The following ZNF664 variants were observed in gnomAD, a reference collection of about 807,000 sequenced individuals.
ZNF664 encodes the protein zinc finger Organ of Corti 1.
A neutral mutation model predicts 18.2 loss-of-function variants in ZNF664; 10 were observed. The ratio of observed to expected loss-of-function variants is 0.55; its 90% CI spans 0.34 to 0.93. The LOEUF is 0.93. Among genes scored for constraint, ZNF664 ranks in the 40% least tolerant of loss-of-function variants. The pLI is 0.02. For synonymous variants in ZNF664, 119 were observed against 104.2 expected (o/e 1.14, Z -0.86); for missense variants, 193 against 319.0 (o/e 0.61, Z 3.01).
In ZNF664 at chr12:124,013,086, C is replaced by A; in HGVS notation, c.*156C>A. On this transcript the variant is annotated 3_prime_UTR_variant, in exon 5 of 5. Transcript: ENST00000337815. ...TGTGAGATTGATTTGTTGGTTCATG[C>A]CAAGTGTGTTCCACAGGTTGACTTT... is the stretch of plus-strand genomic sequence containing the variant. 1 of 1,051,700 alleles carries A rather than the reference C, an allele frequency of 9.5e-7. No individual in the cohort carries two copies. Among genetic ancestry groups the A allele is most frequent in the Non-Finnish European group, 1.4e-6 (1 of 739,198 alleles). 65.1% of individuals were successfully genotyped at this position (1,051,700 alleles called of 1,614,324 possible).
At chr12:123,986,802 A>T (rs1172056998) in intron 2 of ZNF664, among the ~76,000 whole-genome samples, 2 of 152,208 alleles carry the variant, frequency 1.3e-5, no homozygotes, top group Non-Finnish European at 2.9e-5. Flanking sequence ...CATGATTGGC[A>T]TGTATAGTTC....
chr12:123,991,548 A>G (rs1473692436), intron 3 of ZNF664, among the ~76,000 whole-genome samples: 1 of 152,196 alleles, frequency 6.6e-6, no homozygotes, highest in Non-Finnish European at 1.5e-5. Context: ...AAATAAGGAA[A>G]CTAACATTCA....
intron 3 of ZNF664, among the ~76,000 whole-genome samples, chr12:124,009,435 G>A (rs1957109804): frequency 6.6e-6 from 1 of 151,958 alleles, no homozygotes; most frequent in South Asian, 2.1e-4. Flanking sequence ...TCCCCCATAA[G>A]TAATCATTAA....
rs1367107088 is a variant in ZNF664, at chr12:123,985,477, A to G, written c.-756-2566A>G. On this transcript the variant is annotated intron_variant, in intron 2 of 4. Coordinates refer to ENST00000337815, the MANE Select transcript of ZNF664 (RefSeq NM_152437.3). ...AAATGTTAAATCCTTTAAATCTATGAGACCATTTGCTATCATAAATGACAT... is the reference window on the plus strand; with the variant it reads ...AAATGTTAAATCCTTTAAATCTATGGGACCATTTGCTATCATAAATGACAT... 3.3e-5 allele frequency among the ~76,000 whole-genome samples: 5 copies of G among 152,266 alleles called. No homozygotes were observed. The South Asian group carries it at 8.3e-4, about 25-fold the overall frequency.
In ZNF664 at chr12:124,012,958, A is replaced by T. The variant is rs375942808; in HGVS notation, c.*28A>T. 6.2e-7 allele frequency: 1 copy of T among 1,602,560 alleles called. No homozygotes were observed. The highest frequency in any genetic ancestry group is 1.7e-5 in the Admixed American group (1 of 58,066). On this transcript the variant is annotated 3_prime_UTR_variant, in exon 5 of 5. Transcript: ENST00000337815. ...CGTTTTGCTAAGAGTTTAAAATCTT[A>T]AAACCCATAAGTGCCACTAGGAAGG... is the stretch of plus-strand genomic sequence containing the variant.
intron 2 of ZNF664, among the ~76,000 whole-genome samples, chr12:123,987,283 A>G (rs932396572): frequency 1.3e-5 from 2 of 152,208 alleles, no homozygotes; most frequent in Admixed American, 6.5e-5. Context: ...GTTCCTTAAT[A>G]TATCATAACT....
chr12:123,976,749 C>T (rs913300566), intron 2 of ZNF664, among the ~76,000 whole-genome samples: 7 of 151,248 alleles, frequency 4.6e-5, no homozygotes, highest in East Asian at 3.9e-4. Context: ...ATTGACCTCA[C>T]GTTACCAGCT....
chr12:123,973,411 C>T lies in ZNF664; in HGVS notation c.-892+59C>T, dbSNP rs1223376381. On this transcript the variant is annotated intron_variant, in intron 1 of 4. Coordinates refer to ENST00000337815, the MANE Select transcript of ZNF664 (RefSeq NM_152437.3). Reference sequence around the variant, plus strand: ...TTCTTTCCCGGAGGGAGGCGGGGGCCGGGGGCCAGGGAGCGGGCTGGGGGT... The same window carrying T: ...TTCTTTCCCGGAGGGAGGCGGGGGCTGGGGGCCAGGGAGCGGGCTGGGGGT... The T allele has an allele frequency of 1.4e-4, 19 of 139,008 alleles. 1 individual carries two copies. The highest frequency in any genetic ancestry group is 1.9e-4 in the Non-Finnish European group (17 of 90,364). 8.6% of individuals were successfully genotyped at this position (139,008 alleles called of 1,614,324 possible).
At chr12:123,978,819 G>A (rs113717011) in intron 2 of ZNF664, among the ~76,000 whole-genome samples, 91 of 152,264 alleles carry the variant, frequency 6.0e-4, no homozygotes, top group African/African-American at 2.0e-3. Flanking sequence ...ACAGATTGAC[G>A]CCTGGAGCAA....
intron 2 of ZNF664, 170 bp downstream of exon 2, chr12:123,974,190 C>T (rs935132068): frequency 1.6e-4 from 69 of 429,704 alleles, no homozygotes; most frequent in Non-Finnish European, 2.5e-4. Context: ...CGCCACATCA[C>T]CTCTCATTTC....
chr12:123,995,108 G>C (rs1195099745), intron 3 of ZNF664, among the ~76,000 whole-genome samples: 1 of 152,216 alleles, frequency 6.6e-6, no homozygotes, highest in Non-Finnish European at 1.5e-5. Context: ...TGCTCAGACA[G>C]TTGAGAGCAT....
At position 124,012,334 on chromosome 12, in the gene ZNF664, TGTG is replaced by T. The variant is rs1341137593; in HGVS notation, c.193_195del (p.Gly65del). 6.2e-7 allele frequency: 1 copy of T among 1,614,140 alleles called. No homozygotes were observed. Among genetic ancestry groups the T allele is most frequent in the Non-Finnish European group, 8.5e-7 (1 of 1,180,054 alleles). ...AGAGAAGGTCTATAAATGTGATGATTGTGGTAAGGATTTTAGCACTACAACAAA... is the reference window on the plus strand; with the variant it reads ...AGAGAAGGTCTATAAATGTGATGATTGTAAGGATTTTAGCACTACAACAAA... On this transcript the variant is annotated inframe_deletion, in exon 5 of 5. Coordinates refer to ENST00000337815, the MANE Select transcript of ZNF664 (RefSeq NM_152437.3).
intron 3 of ZNF664, among the ~76,000 whole-genome samples, chr12:124,005,635 A>G (rs1474072934): frequency 6.6e-6 from 1 of 152,136 alleles, no homozygotes; most frequent in Non-Finnish European, 1.5e-5. Flanking sequence ...GTGGGAATAC[A>G]TTTTAAAGTT....
chr12:124,001,436 C>T (rs1957010736), intron 3 of ZNF664, among the ~76,000 whole-genome samples: 1 of 152,236 alleles, frequency 6.6e-6, no homozygotes, highest in African/African-American at 2.4e-5. Flanking sequence ...CTTCTACCCT[C>T]TCATCTGGCA....
At chr12:123,993,254 T>C (rs1182552129) in intron 3 of ZNF664, among the ~76,000 whole-genome samples, 1 of 152,140 alleles carries the variant, frequency 6.6e-6, no homozygotes, top group African/African-American at 2.4e-5. Context: ...GGCACTGTAA[T>C]GGGGAAAAGG....
At chr12:123,990,476 C>A (rs905276578) in intron 3 of ZNF664, among the ~76,000 whole-genome samples, 2 of 152,056 alleles carry the variant, frequency 1.3e-5, no homozygotes, top group African/African-American at 4.8e-5. Context: ...AGGCTGGGGC[C>A]CCTGTGACCT....
At chr12:123,973,394 C>G (rs1956619733) in intron 1 of ZNF664, 42 bp downstream of exon 1, 1 of 788,764 alleles carries the variant, frequency 1.3e-6, no homozygotes. Flanking sequence ...CTTTCTTTCC[C>G]GGAGGGAGGC....
chr12:123,985,643 T>G (rs1361915857), intron 2 of ZNF664, among the ~76,000 whole-genome samples: 1 of 151,888 alleles, frequency 6.6e-6, no homozygotes, highest in African/African-American at 2.4e-5. Flanking sequence ...ATCTGGGAGG[T>G]GGGATTTGAC....
intron 3 of ZNF664, among the ~76,000 whole-genome samples, chr12:123,992,747 C>T (rs1956903286): frequency 6.6e-6 from 1 of 152,150 alleles, no homozygotes; most frequent in Non-Finnish European, 1.5e-5. Context: ...TGCATGTACT[C>T]CAGTGACTAC....
Sources: allele counts gnomAD v4.1 joint callset (sites outside exome capture counted in the v4.1 genomes callset), GRCh38; gene constraint gnomAD v4.1.1; transcripts MANE v1.5; gene names NCBI Gene and HGNC (gene_info 2026-07-23, HGNC 2026-07-21).